The following C5 variants were observed in gnomAD, a reference collection of about 807,000 sequenced individuals.
C5 encodes complement C5, also known as C3 and PZP-like alpha-2-macroglobulin domain-containing protein 4.
C5 carries 140 observed loss-of-function variants against 218.8 expected under a neutral mutation model. The observed-to-expected ratio is 0.64, with a 90% confidence interval of 0.56 to 0.74. The LOEUF is 0.74. Among genes scored for constraint, C5 ranks in the 30% least tolerant of loss-of-function variants. C5 has a pLI of 0.00. For synonymous variants in C5, 614 were observed against 682.3 expected (o/e 0.90, Z 1.56); for missense variants, 1,700 against 1,969.6 (o/e 0.86, Z 2.59).
At chr9:120,966,263 C>G (rs2046867154) in intron 33 of C5, among the ~76,000 whole-genome samples, 3 of 152,124 alleles carry the variant, frequency 2.0e-5, no homozygotes, top group Admixed American at 2.0e-4. Flanking sequence ...TCCTTGCTTT[C>G]TTTTGTATAT....
Position 120,996,257 on chromosome 9 carries a change from T to G in C5, c.2834A>C (p.Asp945Ala), listed in dbSNP as rs1412769529. 5.0e-6 allele frequency: 8 copies of G among 1,611,420 alleles called. No individual in the cohort carries two copies. Among genetic ancestry groups the G allele is most frequent in the Non-Finnish European group, 6.8e-6 (8 of 1,177,638 alleles). Residue 945 changes from aspartate (D) to alanine (A), a missense_variant, in exon 22 of 41, where the codon GAT becomes GCT. Transcript: ENST00000223642. ...TTGCCTACCATAAATACCCCTAGGATCCAAAGTAACACCAGAATAGCTTTC... is the reference window on the plus strand; with the variant it reads ...TTGCCTACCATAAATACCCCTAGGAGCCAAAGTAACACCAGAATAGCTTTC... ...KRESYSGVTL[D>A]PRGIYGTISR...
chr9:121,046,290 T>C lies in C5; in HGVS notation c.159A>G (p.Thr53=), dbSNP rs769882995. 3 of 1,607,844 alleles carry C rather than the reference T, an allele frequency of 1.9e-6. No homozygotes were observed. Among genetic ancestry groups the C allele is most frequent in the South Asian group, 2.2e-5 (2 of 90,942 alleles). The change falls in exon 2 of 41, where the codon ACA becomes ACG. Residue 53 remains threonine (T), a synonymous_variant. Coordinates refer to ENST00000223642, the MANE Select transcript of C5 (RefSeq NM_001735.3). ...TATCAGGATAACTTTTAATAGAGATTGTTGCATCAAATGCTTCAGTGTATC... is the reference window on the plus strand; with the variant it reads ...TATCAGGATAACTTTTAATAGAGATCGTTGCATCAAATGCTTCAGTGTATC... ...VYGYTEAFDA[T]ISIKSYPDKK... is the part of the protein sequence containing the mutation.
intron 20 of C5, among the ~76,000 whole-genome samples, chr9:120,998,457 T>C (rs1012245733): frequency 6.6e-6 from 1 of 152,268 alleles, no homozygotes; most frequent in African/African-American, 2.4e-5. Context: ...TTTCATCTTA[T>C]TCATTTTTGT....
At chr9:120,980,404 G>C in intron 27 of C5, 150 bp from the exon 28 acceptor site, 1 of 708,030 alleles carries the variant, frequency 1.4e-6, no homozygotes, top group South Asian at 1.5e-5. Context: ...TCTCAGTGAA[G>C]CAAATCCCTC....
intron 4 of C5, among the ~76,000 whole-genome samples, chr9:121,037,513 A>G (rs898005384): frequency 1.9e-4 from 29 of 151,850 alleles, no homozygotes; most frequent in African/African-American, 6.8e-4. Flanking sequence ...AGGTTTCACT[A>G]TGTTGGCCAG....
rs562308348 is a variant in C5, at chr9:120,988,910, G to A, written c.3230+136C>T. On this transcript the variant is annotated intron_variant, in intron 25 of 40. Transcript: ENST00000223642. ...CATATCTGCTGGATCAGATGTGAAC[G>A]GTAAGAGAAAGAGAGGAGTGAAGGA... 40 of 747,338 alleles carry A rather than the reference G, an allele frequency of 5.4e-5. No individual in the cohort carries two copies. In the African/African-American group the frequency reaches 5.7e-4, roughly 11 times the overall value. The allele number at this position is 747,338 out of a possible 1,614,324, so 46.3% of individuals were successfully genotyped here. A position where few individuals can be genotyped will look rare whatever the true frequency, so the allele number is the denominator to read the frequency against.
At chr9:121,041,297 C>CTTTTTTTTTGT (rs2047577594) in intron 3 of C5, among the ~76,000 whole-genome samples, 1 of 72,678 alleles carries the variant, frequency 1.4e-5, no homozygotes, top group African/African-American at 5.5e-5. Context: ...TACATGAAGC[C>CTTTTTTTTTGT]TTTTTTTTTT....
chr9:121,027,843 T>C (rs529180051), intron 7 of C5, among the ~76,000 whole-genome samples: 327 of 152,046 alleles, frequency 2.2e-3, no homozygotes, highest in African/African-American at 7.6e-3. Flanking sequence ...AATTGACAAA[T>C]GGGATCTAAT....
intron 28 of C5, chr9:120,979,710 A>G: frequency 3.6e-6 from 1 of 278,446 alleles, no homozygotes; most frequent in Non-Finnish European, 7.0e-6. Flanking sequence ...AAACACAGTG[A>G]GACTCGTATC....
intron 39 of C5, 57 bp downstream of exon 39, chr9:120,957,228 A>G: frequency 8.8e-7 from 1 of 1,135,714 alleles, no homozygotes; most frequent in Non-Finnish European, 1.3e-6. Context: ...TGCCTGGCAC[A>G]TAGTCAGTAC....
At chr9:121,014,130 G>T in intron 16 of C5, 60 bp from the exon 17 acceptor site, 1 of 1,459,434 alleles carries the variant, frequency 6.9e-7, no homozygotes, top group Non-Finnish European at 9.6e-7. Context: ...CTCAGGCTTA[G>T]AAGGAATCTC....
intron 34 of C5, among the ~76,000 whole-genome samples, chr9:120,963,412 C>T (rs1242789240): frequency 6.6e-6 from 1 of 151,636 alleles, no homozygotes; most frequent in Non-Finnish European, 1.5e-5. Flanking sequence ...GAGGCTGAGG[C>T]AGGAGAATCA....
chr9:120,955,811 G>A (rs1394627881), intron 39 of C5, among the ~76,000 whole-genome samples: 1 of 152,132 alleles, frequency 6.6e-6, no homozygotes, highest in African/African-American at 2.4e-5. Flanking sequence ...GGAGGCTGAG[G>A]AGAGAGGATC....
chr9:121,028,886 T>C (rs1384460765), intron 7 of C5, among the ~76,000 whole-genome samples: 2 of 152,102 alleles, frequency 1.3e-5, no homozygotes, highest in Non-Finnish European at 2.9e-5. Flanking sequence ...TTCATCCTCA[T>C]AAAGCCACAT....
chr9:120,972,647 T>C (rs2046923566), intron 30 of C5, among the ~76,000 whole-genome samples: 1 of 152,210 alleles, frequency 6.6e-6, no homozygotes, highest in Non-Finnish European at 1.5e-5. Flanking sequence ...AGTTAAGTCA[T>C]TCTCCTCTCC....
At position 121,000,702 on chromosome 9, in the gene C5, C is replaced by T. The variant is rs529990467; in HGVS notation, c.2563-2928G>A. On this transcript the variant is annotated intron_variant, in intron 20 of 40. Transcript: ENST00000223642. The stretch of plus-strand genomic sequence containing the variant: ...TTAGAAAAACATTTTATTTTAGGTT[C>T]GGGGCACATGTGCAGGTCTGTTGTA... Among the ~76,000 whole-genome samples, 464 of 152,214 alleles carry T rather than the reference C, an allele frequency of 3.0e-3. 2 individuals are homozygous for T. Among genetic ancestry groups the T allele is most frequent in the African/African-American group, 0.01 (435 of 41,530 alleles).
chr9:121,053,094 T>C (rs187084954), upstream of C5, among the ~76,000 whole-genome samples: 23 of 152,274 alleles, frequency 1.5e-4, no homozygotes, highest in African/African-American at 4.6e-4. Context: ...ATGTGACCCA[T>C]AGCTGCCCCA....
chr9:120,953,744 G>T lies in C5; in HGVS notation c.4887C>A (p.Tyr1629Ter), dbSNP rs1354880575. 1 of 1,613,914 alleles carries T rather than the reference G, an allele frequency of 6.2e-7. No individual in the cohort carries two copies. Among genetic ancestry groups the T allele is most frequent in the East Asian group, 2.2e-5 (1 of 44,878 alleles). ...IMGKEALQIK[Y>*]NFSFRYIYPL... is the part of the protein sequence containing the mutation. Reference sequence around the variant, plus strand: ...TGGTGACTTACCTGAAACTGAAATTGTATTTTATCTGGAGGGCTTCTTTAC... The same window carrying T: ...TGGTGACTTACCTGAAACTGAAATTTTATTTTATCTGGAGGGCTTCTTTAC... The change falls in exon 40 of 41, where the codon TAC (tyrosine) becomes TAA (stop). Residue 1629 changes from tyrosine to a stop codon, truncating the protein, a stop_gained. Coordinates refer to ENST00000223642, the MANE Select transcript of C5 (RefSeq NM_001735.3). LOFTEE classifies it high-confidence loss of function.
chr9:120,971,032 C>T (rs555449486), intron 31 of C5, among the ~76,000 whole-genome samples: 6 of 151,946 alleles, frequency 3.9e-5, no homozygotes, highest in Admixed American at 1.3e-4. Flanking sequence ...ATTAGCCAGG[C>T]GTAGTGGCAT....
Sources: gnomAD v4.1 joint callset for allele counts (sites outside exome capture counted in the v4.1 genomes callset) on GRCh38, gnomAD v4.1.1 for gene constraint, MANE v1.5 for transcripts, NCBI Gene and HGNC (gene_info 2026-07-23, HGNC 2026-07-21) for gene names.